DST: variants seen among roughly 807,000 people sequenced by gnomAD.
The protein encoded by DST is bullous pemphigoid antigen.
DST carries 253 observed loss-of-function variants against 875.2 expected under a neutral mutation model. The ratio of observed to expected loss-of-function variants is 0.29; its 90% CI spans 0.26 to 0.32. The LOEUF is 0.32. Ranked by LOEUF, DST falls within the 10% of genes least tolerant of loss-of-function variation. The pLI is 1.00. For missense variants in DST, 8,287 were observed against 9,111.6 expected (o/e 0.91, Z 3.68); for synonymous variants, 3,124 against 3,197.1 (o/e 0.98, Z 0.77).
intron 4 of DST, among the ~76,000 whole-genome samples, chr6:56,788,706 A>G (rs2099710068): frequency 6.6e-6 from 1 of 152,368 alleles, no homozygotes; most frequent in African/African-American, 2.4e-5. Context: ...TTCAATGTCA[A>G]GATACATTTC....
At chr6:56,513,587 C>T (rs1369442859) in intron 72 of DST, among the ~76,000 whole-genome samples, 4 of 150,824 alleles carry the variant, frequency 2.7e-5, no homozygotes, top group Non-Finnish European at 5.9e-5. Context: ...TGGTCTCAAA[C>T]TCCCGACCTC....
At chr6:56,513,759 G>A (rs2096532409) in intron 72 of DST, among the ~76,000 whole-genome samples, 1 of 152,106 alleles carries the variant, frequency 6.6e-6, no homozygotes, top group Non-Finnish European at 1.5e-5. Context: ...ATCAGAAAAG[G>A]GCCCAAAAGG....
intron 4 of DST, chr6:56,843,701 A>G: frequency 1.5e-6 from 1 of 686,234 alleles, no homozygotes; most frequent in Non-Finnish European, 1.7e-6. Context: ...GGAGAGAGGG[A>G]GGGAGGAGGG....
Position 56,515,653 on chromosome 6 carries a change from C to A in DST, c.18373G>T (p.Val6125Leu). The A allele has an allele frequency of 6.2e-7, 1 of 1,604,848 alleles. No individual in the cohort carries two copies. The highest frequency in any genetic ancestry group is 8.5e-7 in the Non-Finnish European group (1 of 1,174,864). ...CAGATGGTATCATAGTTCTTCAGTA[C>A]CTTGTCCAGTTTTTTCTAGAAAATA... ...KQSMKKKLDKVLKNYDTICQI... is the reference protein window; with the variant it reads ...KQSMKKKLDKLLKNYDTICQI... The change falls in exon 72 of 104, where the codon GTA (valine) becomes TTA (leucine). Residue 6125 changes from valine to leucine, a missense_variant. Around this residue, in one of 10 missense-constraint regions of DST, gnomAD observed 1,292 missense variants for 1,552.7 expected, o/e 0.83. Transcript: ENST00000680361.
chr6:56,693,544 T>A, intron 9 of DST: 1 of 287,234 alleles, frequency 3.5e-6, no homozygotes, highest in Non-Finnish European at 5.2e-6. Flanking sequence ...GCACTTAACC[T>A]TTGAAACTAT....
chr6:56,509,540 C>CT (rs1278041496), intron 74 of DST, 102 bp downstream of exon 74: 1 of 860,542 alleles, frequency 1.2e-6, no homozygotes, highest in Non-Finnish European at 1.8e-6. Context: ...TTTGTAGTAT[C>CT]TTTTTTAAGA....
chr6:56,536,850 T>C lies in DST; in HGVS notation c.16699A>G (p.Ser5567Gly). 2.5e-6 allele frequency: 4 copies of C among 1,613,464 alleles called. No homozygotes were observed. Among genetic ancestry groups the C allele is most frequent in the Non-Finnish European group, 3.4e-6 (4 of 1,179,568 alleles). ...TGCTCCAAGCCCTGAGTGCTAGTGC[T>C]TTTGGCAGCACTCTGAATAAGGCCT... ...GQGLIQSAAKSTSTQGLEHDL... is the reference protein window; with the variant it reads ...GQGLIQSAAKGTSTQGLEHDL... Residue 5567 changes from serine to glycine, a missense_variant, in exon 62 of 104, where the codon AGC (serine) becomes GGC (glycine). By Grantham distance (56) the Ser-to-Gly change is moderately conservative. Around this residue, in one of 10 missense-constraint regions of DST, gnomAD observed 777 missense variants for 764.8 expected, o/e 1.02. Transcript: ENST00000680361.
rs1473830034 is a variant in DST, at chr6:56,605,030, T to C, written c.9598A>G (p.Asn3200Asp). The change falls in exon 40 of 104, where the codon AAT becomes GAT. Residue 3200 changes from asparagine (N) to aspartate (D), a missense_variant. By Grantham distance (23) the Asn-to-Asp change is conservative. Coordinates refer to ENST00000680361, the MANE Select transcript of DST (RefSeq NM_001374736.1). ...AAAACATGGCTTGGGACATCTTCAT[T>C]TGGTTTGGCTACATCTTTTGCTTTT... is the stretch of plus-strand genomic sequence containing the variant. ...NIKAKDVAKP[N>D]EDVPSHVLIT... 11 of 1,612,858 alleles carry C rather than the reference T, an allele frequency of 6.8e-6. No individual in the cohort carries two copies. In the South Asian group the frequency reaches 1.2e-4, roughly 18 times the overall value.
intron 2 of DST, among the ~76,000 whole-genome samples, chr6:56,914,038 T>C (rs575469296): frequency 2.0e-5 from 3 of 152,240 alleles, no homozygotes; most frequent in African/African-American, 7.2e-5. Context: ...TTATGAACAG[T>C]GGCTGTTCAG....
At chr6:56,699,356 A>G (rs2099280703) in intron 9 of DST, among the ~76,000 whole-genome samples, 1 of 152,232 alleles carries the variant, frequency 6.6e-6, no homozygotes, top group East Asian at 1.9e-4. Context: ...AAAACAGGTA[A>G]TACTTTCTAA....
At position 56,625,552 on chromosome 6, in the gene DST, T is replaced by G. The variant is rs964178491; in HGVS notation, c.4723-288A>C. Among the ~76,000 whole-genome samples the G allele has an allele frequency of 5.3e-5, 8 of 152,042 alleles. No homozygotes were observed. The East Asian group carries it at 5.8e-4, about 11-fold the overall frequency. ...ATCGCCTAGTGATGTCGTGGCACAA[T>G]GCATTACTCACGTTTGTGGTGATGC... On this transcript the variant is annotated intron_variant, in intron 34 of 103. Coordinates refer to ENST00000680361, the MANE Select transcript of DST (RefSeq NM_001374736.1).
intron 3 of DST, among the ~76,000 whole-genome samples, chr6:56,884,067 G>A (rs1341839712): frequency 3.9e-5 from 6 of 152,006 alleles, no homozygotes; most frequent in East Asian, 3.9e-4. Context: ...GGAGGTTGAC[G>A]ATGCAGTGAG....
intron 4 of DST, among the ~76,000 whole-genome samples, chr6:56,786,874 G>GA (rs2099706537): frequency 6.6e-6 from 1 of 152,138 alleles, no homozygotes; most frequent in Non-Finnish European, 1.5e-5. Context: ...AAAGGATACT[G>GA]AGAGTCCATC....
At chr6:56,829,934 T>G (rs778245681) in intron 4 of DST, among the ~76,000 whole-genome samples, 1 of 152,182 alleles carries the variant, frequency 6.6e-6, no homozygotes, top group Non-Finnish European at 1.5e-5. Flanking sequence ...GTCTCCTCAG[T>G]ACTAGTAGTT....
chr6:56,461,241 A>G (rs957390656), intron 102 of DST: 3 of 150,684 alleles, frequency 2.0e-5, no homozygotes, highest in African/African-American at 7.3e-5. Flanking sequence ...TATACTATAC[A>G]TACACTTAAG....
chr6:56,727,725 G>T (rs1226296674), intron 5 of DST, among the ~76,000 whole-genome samples: 1 of 152,188 alleles, frequency 6.6e-6, no homozygotes, highest in Non-Finnish European at 1.5e-5. Flanking sequence ...AAAGAAATTA[G>T]AACACAGCAA....
chr6:56,476,424 A>T, intron 91 of DST, 87 bp from the exon 92 acceptor site: 1 of 1,201,730 alleles, frequency 8.3e-7, no homozygotes, highest in Non-Finnish European at 1.1e-6. Context: ...TTTAAATGAA[A>T]ATTAGGATCA....
At chr6:56,665,988 T>G (rs1197767846) in intron 10 of DST, among the ~76,000 whole-genome samples, 1 of 152,254 alleles carries the variant, frequency 6.6e-6, no homozygotes, top group Non-Finnish European at 1.5e-5. Flanking sequence ...ACTTTGTGAC[T>G]GTTACTTACT....
chr6:56,688,024 G>T (rs2099200404), intron 9 of DST, among the ~76,000 whole-genome samples: 1 of 151,944 alleles, frequency 6.6e-6, no homozygotes, highest in African/African-American at 2.4e-5. Flanking sequence ...TTTTTGTAAA[G>T]CCAAGGATTT....
Sources: gnomAD v4.1 joint callset for allele counts (sites outside exome capture counted in the v4.1 genomes callset) on GRCh38, gnomAD v4.1.1 for gene constraint, gnomAD v4.1.1 regional missense constraint, MANE v1.5 for transcripts, NCBI Gene and HGNC (gene_info 2026-07-23, HGNC 2026-07-21) for gene names.